The following IL1RAPL2 variants were observed in gnomAD, a reference collection of about 807,000 sequenced individuals.
IL1RAPL2 encodes interleukin 1 receptor accessory protein like 2.
In IL1RAPL2, 3 loss-of-function variants were observed where a neutral mutation model predicts 44.1. The ratio of observed to expected loss-of-function variants is 0.07; its 90% confidence interval spans 0.03 to 0.18. The LOEUF is 0.18. Ranked by LOEUF, IL1RAPL2 falls within the 10% of genes least tolerant of loss-of-function variation. The pLI is 1.00. For missense variants in IL1RAPL2, 391 were observed against 496.4 expected (o/e 0.79, Z 2.02); for synonymous variants, 181 against 178.8 (o/e 1.01, Z -0.10).
At chrX:105,612,737 C>A (rs5916933) in intron 6 of IL1RAPL2, among the ~76,000 whole-genome samples, 1 of 110,700 alleles carries the variant, frequency 9.0e-6, no homozygotes, top group East Asian at 2.9e-4. Context: ...TGCCCTGTCT[C>A]GGCAGAAAGC....
chrX:105,641,896 C>A (rs1263976436), intron 6 of IL1RAPL2, among the ~76,000 whole-genome samples: 2 of 111,243 alleles, frequency 1.8e-5, no homozygotes, highest in Non-Finnish European at 3.8e-5. Context: ...AAGGCATGGA[C>A]CTTGATGTTT....
At chrX:105,085,874 GAAAATAAAATGTTATT>G (rs772615947) in intron 2 of IL1RAPL2, among the ~76,000 whole-genome samples, 66 of 111,870 alleles carry the variant, frequency 5.9e-4, no homozygotes, top group African/African-American at 2.1e-3. Flanking sequence ...GTAGGCTAGA[GAAAATAAAATGTTATT>G]AAAATCATAA....
At chrX:105,523,233 A>G (rs772039727) in intron 6 of IL1RAPL2, among the ~76,000 whole-genome samples, 1 of 111,580 alleles carries the variant, frequency 9.0e-6, no homozygotes, top group Non-Finnish European at 1.9e-5. Flanking sequence ...TCTAAAAATG[A>G]TTAGCATGGT....
At chrX:104,873,714 A>G (rs1445639466) in intron 2 of IL1RAPL2, among the ~76,000 whole-genome samples, 1 of 111,559 alleles carries the variant, frequency 9.0e-6, no homozygotes, top group East Asian at 2.8e-4. Context: ...ACATATCCAG[A>G]CATGATGAAA....
At chrX:104,854,126 A>C (rs919480567) in intron 2 of IL1RAPL2, among the ~76,000 whole-genome samples, 2 of 111,513 alleles carry the variant, frequency 1.8e-5, no homozygotes, top group Non-Finnish European at 3.8e-5. Context: ...AACTTTTAAA[A>C]TGGATTAATT....
chrX:105,178,097 G>A (rs1014627617), intron 2 of IL1RAPL2, among the ~76,000 whole-genome samples: 4 of 111,291 alleles, frequency 3.6e-5, no homozygotes, highest in Non-Finnish European at 5.7e-5. Flanking sequence ...CTAACCATAT[G>A]TTTATACCTA....
At chrX:105,032,724 T>G (rs985366311) in intron 2 of IL1RAPL2, among the ~76,000 whole-genome samples, 1 of 111,599 alleles carries the variant, frequency 9.0e-6, no homozygotes, top group African/African-American at 3.3e-5. Flanking sequence ...TGGAGAGTTC[T>G]GTAGATATCT....
At chrX:105,126,047 G>A (rs1056578806) in intron 2 of IL1RAPL2, among the ~76,000 whole-genome samples, 3 of 111,223 alleles carry the variant, frequency 2.7e-5, no homozygotes, top group Non-Finnish European at 5.7e-5. Context: ...GTACCCCTCT[G>A]TAATGGCAGA....
chrX:105,543,941 A>G (rs971009474), intron 6 of IL1RAPL2, among the ~76,000 whole-genome samples: 33 of 111,690 alleles, frequency 3.0e-4, no homozygotes, highest in African/African-American at 1.0e-3. Context: ...AGACATGTCA[A>G]TTTCTATTAA....
intron 2 of IL1RAPL2, 34 bp downstream of exon 2, chrX:104,659,029 A>G (rs1930335409): frequency 9.4e-7 from 1 of 1,060,735 alleles, no homozygotes; most frequent in Non-Finnish European, 1.3e-6. Context: ...TATTTGGTCA[A>G]AAATGTACAG....
At position 104,644,696 on chromosome X, in the gene IL1RAPL2, A is replaced by G; in HGVS notation, c.-19-14199A>G. 3.6e-5 allele frequency among the ~76,000 whole-genome samples: 4 copies of G among 111,180 alleles called. No homozygotes were observed. The Middle Eastern group carries it at 0.014, about 383-fold the overall frequency. On this transcript the variant is annotated intron_variant, in intron 1 of 10. Coordinates refer to ENST00000372582, the MANE Select transcript of IL1RAPL2 (RefSeq NM_017416.2). ...TATTCACTAAAGAAAAAAAAGTCTG[A>G]TGGTATTCCCCCAAACCAGTAAATT...
chrX:104,943,118 C>A (rs999179159), intron 2 of IL1RAPL2, among the ~76,000 whole-genome samples: 1 of 111,220 alleles, frequency 9.0e-6, no homozygotes, highest in Non-Finnish European at 1.9e-5. Flanking sequence ...GAGGATTTTT[C>A]ATCGATGTTC....
intron 2 of IL1RAPL2, among the ~76,000 whole-genome samples, chrX:104,906,191 G>A (rs1325198167): frequency 2.7e-5 from 3 of 111,505 alleles, no homozygotes; most frequent in Non-Finnish European, 3.8e-5. Context: ...TTATCAGCTT[G>A]AGGAGATTTT....
chrX:104,796,505 C>A (rs1195816289), intron 2 of IL1RAPL2, among the ~76,000 whole-genome samples: 2 of 112,129 alleles, frequency 1.8e-5, no homozygotes, highest in African/African-American at 6.5e-5. Flanking sequence ...CATTCATGGG[C>A]TGGCCCAAAG....
chrX:105,397,404 A>G (rs114782503), intron 5 of IL1RAPL2, among the ~76,000 whole-genome samples: 3,990 of 110,401 alleles, frequency 0.036, 203 homozygotes, highest in African/African-American at 0.12. Flanking sequence ...AAGTTTTGAG[A>G]ACAGAAGGTG....
At chrX:105,220,135 T>C (rs782261289) in intron 3 of IL1RAPL2, 1 of 1,210,459 alleles carries the variant, frequency 8.3e-7, no homozygotes, top group East Asian at 3.0e-5. Flanking sequence ...CCGCACCCTG[T>C]GCCTTTGTAG....
At chrX:105,088,031 G>A (rs1034331660) in intron 2 of IL1RAPL2, among the ~76,000 whole-genome samples, 13 of 111,969 alleles carry the variant, frequency 1.2e-4, no homozygotes, top group Admixed American at 1.9e-4. Flanking sequence ...TGACTCTTTC[G>A]TTAAGATCTA....
At chrX:104,723,967 C>T (rs1442685783) in intron 2 of IL1RAPL2, among the ~76,000 whole-genome samples, 1 of 111,064 alleles carries the variant, frequency 9.0e-6, no homozygotes, top group African/African-American at 3.3e-5. Flanking sequence ...TGATGAAAGT[C>T]AGTAGACACA....
At chrX:104,616,000 A>G (rs1929269073) in intron 1 of IL1RAPL2, among the ~76,000 whole-genome samples, 1 of 111,472 alleles carries the variant, frequency 9.0e-6, no homozygotes. Context: ...TTTTTTTCAT[A>G]TGTTTGTTGG....
Sources: allele counts gnomAD v4.1 joint callset (sites outside exome capture counted in the v4.1 genomes callset), GRCh38; gene constraint gnomAD v4.1.1; transcripts MANE v1.5; gene names NCBI Gene and HGNC (gene_info 2026-07-23, HGNC 2026-07-21).